Variants in ARHGAP15 observed in about 807,000 individuals in gnomAD.
The protein encoded by ARHGAP15 is rho GTPase-activating protein 15.
In ARHGAP15, 51 loss-of-function variants were observed where a neutral mutation model predicts 63.7. That is an observed-to-expected ratio of 0.80 (90% CI 0.64 to 1.01). The LOEUF (loss-of-function observed/expected upper bound fraction) is 1.01, where lower values mean the gene tolerates loss of function less well. Ranked by LOEUF, ARHGAP15 falls within the 50% of genes least tolerant of loss-of-function variation. ARHGAP15 has a pLI of 0.00. For missense variants in ARHGAP15, 560 were observed against 564.6 expected (o/e 0.99, Z 0.08); for synonymous variants, 191 against 193.8 (o/e 0.99, Z 0.12).
chr2:143,477,220 A>G (rs890030505), intron 8 of ARHGAP15, among the ~76,000 whole-genome samples: 1 of 151,924 alleles, frequency 6.6e-6, no homozygotes, highest in African/African-American at 2.4e-5. Context: ...GCGCACACAC[A>G]CACACATATA....
chr2:143,219,351 A>G (rs1342892876), intron 4 of ARHGAP15, among the ~76,000 whole-genome samples: 1 of 152,112 alleles, frequency 6.6e-6, no homozygotes, highest in African/African-American at 2.4e-5. Flanking sequence ...GTATAAGTAC[A>G]CTCTGTGATG....
chr2:143,649,008 G>T (rs557076130), intron 12 of ARHGAP15: 1 of 151,962 alleles, frequency 6.6e-6, no homozygotes, highest in Non-Finnish European at 1.5e-5. Flanking sequence ...CAAGTCAAAA[G>T]ATTTCTCTGA....
At chr2:143,526,527 A>G (rs4662338) in intron 10 of ARHGAP15, among the ~76,000 whole-genome samples, 2,654 of 152,184 alleles carry the variant, frequency 0.017, 40 homozygotes, top group Non-Finnish European at 0.026. Flanking sequence ...CAACACCTCA[A>G]CTTACCAAGA....
chr2:143,715,576 T>G (rs1262946303), intron 13 of ARHGAP15, among the ~76,000 whole-genome samples: 1 of 152,210 alleles, frequency 6.6e-6, no homozygotes, highest in Non-Finnish European at 1.5e-5. Flanking sequence ...GGCTGTTTGT[T>G]TTTCTTGTAA....
chr2:143,732,910 G>GTTT lies in ARHGAP15; in HGVS notation c.1244+29404_1244+29406dup, dbSNP rs35876339. On this transcript the variant is annotated intron_variant, in intron 13 of 13. Transcript: ENST00000295095. ...CCTCCTTCCCCATTTTTGTTTTTGG[G>GTTT]TTTTTTTTTTTTTTTTTTTTGAGCA... is the stretch of plus-strand genomic sequence containing the variant. Among the ~76,000 whole-genome samples, 1,195 of 121,966 alleles carry GTTT rather than the reference G, an allele frequency of 9.8e-3. 23 individuals are homozygous for GTTT. Among genetic ancestry groups the GTTT allele is most frequent in the African/African-American group, 0.034 (1,101 of 32,726 alleles). The allele number at this position is 121,966 out of a possible 152,430, so 80.0% of individuals were successfully genotyped here.
intron 6 of ARHGAP15, among the ~76,000 whole-genome samples, chr2:143,431,111 A>G (rs762021262): frequency 7.9e-5 from 12 of 152,024 alleles, no homozygotes; most frequent in Non-Finnish European, 1.8e-4. Flanking sequence ...ATGATCTTTT[A>G]AAATCGGGCT....
intron 5 of ARHGAP15, among the ~76,000 whole-genome samples, chr2:143,241,308 A>G (rs1693851064): frequency 6.6e-6 from 1 of 152,200 alleles, no homozygotes; most frequent in African/African-American, 2.4e-5. Context: ...TATTAATGAT[A>G]AATTTATTTT....
chr2:143,696,537 A>G (rs747945122), intron 12 of ARHGAP15, among the ~76,000 whole-genome samples: 3 of 152,144 alleles, frequency 2.0e-5, no homozygotes, highest in Non-Finnish European at 4.4e-5. Flanking sequence ...CTTCGGGACC[A>G]GGACCAGAAA....
At chr2:143,731,528 G>T (rs2105485782) in intron 13 of ARHGAP15, among the ~76,000 whole-genome samples, 1 of 152,120 alleles carries the variant, frequency 6.6e-6, no homozygotes, top group East Asian at 1.9e-4. Flanking sequence ...AGGTTCCTCT[G>T]TGCGCTCTCT....
chr2:143,636,756 C>T (rs1680337553), intron 12 of ARHGAP15, among the ~76,000 whole-genome samples: 1 of 152,130 alleles, frequency 6.6e-6, no homozygotes, highest in African/African-American at 2.4e-5. Flanking sequence ...GACCCTTCAT[C>T]ACCAAGATCA....
intron 6 of ARHGAP15, among the ~76,000 whole-genome samples, chr2:143,308,566 A>G (rs1683288504): frequency 6.6e-6 from 1 of 152,038 alleles, no homozygotes; most frequent in Non-Finnish European, 1.5e-5. Context: ...TATTGTAATT[A>G]TGAGTCTTTA....
chr2:143,234,502 AGACT>A (rs1159169664), intron 5 of ARHGAP15, among the ~76,000 whole-genome samples: 3 of 152,186 alleles, frequency 2.0e-5, no homozygotes, highest in Non-Finnish European at 4.4e-5. Context: ...ACATTCCCAG[AGACT>A]GACTATCTCA....
chr2:143,481,511 T>C (rs1692079415), intron 8 of ARHGAP15, among the ~76,000 whole-genome samples: 1 of 152,098 alleles, frequency 6.6e-6, no homozygotes, highest in African/African-American at 2.4e-5. Context: ...CAGAAAGAGA[T>C]GTTCTGGCAG....
intron 12 of ARHGAP15, among the ~76,000 whole-genome samples, chr2:143,658,240 C>G (rs1681559875): frequency 1.3e-5 from 2 of 152,160 alleles, no homozygotes; most frequent in African/African-American, 4.8e-5. Context: ...CTACCACTCT[C>G]TTATAAGCTA....
chr2:143,603,135 G>A (rs1027107336), intron 11 of ARHGAP15, among the ~76,000 whole-genome samples: 3 of 152,116 alleles, frequency 2.0e-5, no homozygotes, highest in Admixed American at 6.6e-5. Context: ...TGGGACTCAC[G>A]TGGATGTAAA....
intron 2 of ARHGAP15, among the ~76,000 whole-genome samples, chr2:143,186,455 A>T (rs1012671154): frequency 1.3e-5 from 2 of 152,130 alleles, no homozygotes; most frequent in Non-Finnish European, 2.9e-5. Context: ...GACCAAAATC[A>T]TTGGTTCCTA....
intron 11 of ARHGAP15, among the ~76,000 whole-genome samples, chr2:143,571,244 G>A (rs1042043386): frequency 1.3e-5 from 2 of 152,160 alleles, no homozygotes; most frequent in Non-Finnish European, 2.9e-5. Flanking sequence ...GAAATAAGGT[G>A]TACAATAAAT....
intron 1 of ARHGAP15, among the ~76,000 whole-genome samples, chr2:143,148,215 G>C (rs943391647): frequency 6.6e-6 from 1 of 151,926 alleles, no homozygotes; most frequent in Non-Finnish European, 1.5e-5. Context: ...TTATCATACA[G>C]CATCCAGGCC....
chr2:143,478,919 A>G (rs1691949050), intron 8 of ARHGAP15, among the ~76,000 whole-genome samples: 1 of 152,240 alleles, frequency 6.6e-6, no homozygotes, highest in South Asian at 2.1e-4. Flanking sequence ...TTAAGGATAC[A>G]TTATAGCATA....
Sources: allele counts gnomAD v4.1 joint callset (sites outside exome capture counted in the v4.1 genomes callset), GRCh38; gene constraint gnomAD v4.1.1; transcripts MANE v1.5; gene names NCBI Gene and HGNC (gene_info 2026-07-23, HGNC 2026-07-21).